RSPO3: variants seen among roughly 807,000 people sequenced by gnomAD.
RSPO3 encodes R-spondin-3.
A neutral mutation model predicts 36.5 loss-of-function variants in RSPO3; 17 were observed. The ratio of observed to expected loss-of-function variants is 0.47; its 90% CI spans 0.32 to 0.70. The LOEUF (loss-of-function observed/expected upper bound fraction) is 0.70. RSPO3 is among the 30% of genes least tolerant of loss of function. RSPO3 has a pLI of 0.04. For synonymous variants in RSPO3, 108 were observed against 107.0 expected (o/e 1.01, Z -0.06); for missense variants, 294 against 322.5 (o/e 0.91, Z 0.68).
rs147430053 is a variant in RSPO3 at position 127,148,509 on chromosome 6, G to A, written c.98-139G>A. On this transcript the variant is annotated intron_variant, in intron 1 of 4. Transcript: ENST00000356698. Reference sequence around the variant, plus strand: ...AAATAAAAGATCATAAAAAAAGATAGGAAAAAAAATCCCACCTCATTCACC... The same window carrying A: ...AAATAAAAGATCATAAAAAAAGATAAGAAAAAAAATCCCACCTCATTCACC... 4.7e-4 allele frequency: 263 copies of A among 557,500 alleles called. 1 individual carries two copies. The East Asian group carries it at 7.0e-3, about 15-fold the overall frequency. The allele number at this position is 557,500 out of a possible 1,614,324, so 34.5% of individuals were successfully genotyped here.
chr6:127,162,479 A>C lies in RSPO3; in HGVS notation c.634+7041A>C, dbSNP rs374554940. On this transcript the variant is annotated intron_variant, in intron 4 of 4. Coordinates refer to ENST00000356698, the MANE Select transcript of RSPO3 (RefSeq NM_032784.5). Reference sequence around the variant, plus strand: ...TGTAAAAACAGTCAACTATTGATACAGGAGATGTTGTGTTGGATATTATTT... The same window carrying C: ...TGTAAAAACAGTCAACTATTGATACCGGAGATGTTGTGTTGGATATTATTT... 5.5e-4 allele frequency among the ~76,000 whole-genome samples: 84 copies of C among 152,256 alleles called. 2 individuals are homozygous for C. In the South Asian group the frequency reaches 0.017, roughly 31 times the overall value.
intron 4 of RSPO3, among the ~76,000 whole-genome samples, chr6:127,167,610 TG>T (rs2114611414): frequency 6.6e-6 from 1 of 152,008 alleles, no homozygotes; most frequent in Non-Finnish European, 1.5e-5. Context: ...TATAATAGAA[TG>T]ATTTTTTTTA....
At chr6:127,165,918 G>A (rs1360853659) in intron 4 of RSPO3, among the ~76,000 whole-genome samples, 1 of 151,714 alleles carries the variant, frequency 6.6e-6, no homozygotes, top group African/African-American at 2.4e-5. Flanking sequence ...AAACACAAAA[G>A]CCTAAAAGAT....
intron 4 of RSPO3, among the ~76,000 whole-genome samples, chr6:127,183,050 C>T (rs1317637804): frequency 1.3e-5 from 2 of 151,986 alleles, no homozygotes; most frequent in Admixed American, 6.6e-5. Context: ...CTGACCACCT[C>T]TTTTTCTCCA....
At position 127,141,351 on chromosome 6, in the gene RSPO3, C is replaced by T. The variant is rs561858850; in HGVS notation, c.98-7297C>T. On this transcript the variant is annotated intron_variant, in intron 1 of 4. Transcript: ENST00000356698. The stretch of plus-strand genomic sequence containing the variant: ...CATATCTTAGATTTCATGAATTCTA[C>T]AGCTAACATCATTTGCTAGCCATTT... 1.2e-3 allele frequency among the ~76,000 whole-genome samples: 176 copies of T among 152,260 alleles called. 1 individual carries two copies. Among genetic ancestry groups the T allele is most frequent in the African/African-American group, 4.0e-3 (167 of 41,556 alleles).
intron 2 of RSPO3, 87 bp from the exon 3 acceptor site, chr6:127,150,339 T>G: frequency 7.9e-7 from 1 of 1,271,380 alleles, no homozygotes; most frequent in South Asian, 1.5e-5. Context: ...ACTAAAGTTG[T>G]GTGTGGCTGT....
chr6:127,171,717 C>T (rs539215553), intron 4 of RSPO3, among the ~76,000 whole-genome samples: 1 of 151,706 alleles, frequency 6.6e-6, no homozygotes, highest in East Asian at 2.0e-4. Context: ...TTTATCCTTC[C>T]TCTTTTTGAT....
rs566070811 is a variant in RSPO3, at chr6:127,195,278, C to G, written c.635-545C>G. ...TGACTTCCCAGGCTCAAGTGATCCT[C>G]CTACCTCAGCCTTCTGCATAGCTGG... On this transcript the variant is annotated intron_variant, in intron 4 of 4. Transcript: ENST00000356698. 1.2e-3 allele frequency among the ~76,000 whole-genome samples: 183 copies of G among 152,260 alleles called. 1 individual carries two copies. The highest frequency in any genetic ancestry group is 7.3e-3 in the South Asian group (35 of 4,826).
intron 1 of RSPO3, among the ~76,000 whole-genome samples, chr6:127,129,697 ACGT>A (rs1479084101): frequency 6.6e-5 from 10 of 152,112 alleles, no homozygotes; most frequent in Non-Finnish European, 1.5e-4. Flanking sequence ...AGATGGAAAT[ACGT>A]CATCAGTATG....
intron 1 of RSPO3, among the ~76,000 whole-genome samples, chr6:127,119,614 G>C (rs1773796367): frequency 6.6e-6 from 1 of 152,262 alleles, no homozygotes; most frequent in Non-Finnish European, 1.5e-5. Flanking sequence ...TCCTTTTGAG[G>C]ATCGGACAGG....
chr6:127,121,317 TGATG>T (rs1315369728), intron 1 of RSPO3, among the ~76,000 whole-genome samples: 1 of 152,226 alleles, frequency 6.6e-6, no homozygotes, highest in Non-Finnish European at 1.5e-5. Flanking sequence ...AGCTGTGGGA[TGATG>T]CACCTCTAGG....
intron 1 of RSPO3, 92 bp from the exon 2 acceptor site, chr6:127,148,556 T>C: frequency 1.1e-6 from 1 of 947,342 alleles, no homozygotes; most frequent in Non-Finnish European, 1.5e-6. Flanking sequence ...AATTGAAAGC[T>C]AATGAAAGAG....
At chr6:127,137,363 C>T (rs1165953329) in intron 1 of RSPO3, among the ~76,000 whole-genome samples, 1 of 152,056 alleles carries the variant, frequency 6.6e-6, no homozygotes, top group African/African-American at 2.4e-5. Flanking sequence ...TACACTCCAA[C>T]CTGGGTGACA....
In RSPO3 at chr6:127,168,854, G is replaced by A. The variant is rs187276227; in HGVS notation, c.634+13416G>A. 1.7e-3 allele frequency among the ~76,000 whole-genome samples: 255 copies of A among 152,110 alleles called. 1 individual carries two copies. The highest frequency in any genetic ancestry group is 6.0e-3 in the African/African-American group (247 of 41,510). The stretch of plus-strand genomic sequence containing the variant: ...TTCCCAGCACCATTTATTAAATAGG[G>A]AATCCTTTCCCCATTTCTTGTTTTT... On this transcript the variant is annotated intron_variant, in intron 4 of 4. Transcript: ENST00000356698.
intron 4 of RSPO3, among the ~76,000 whole-genome samples, chr6:127,162,784 G>T (rs1774733664): frequency 6.6e-6 from 1 of 152,122 alleles, no homozygotes. Flanking sequence ...TTTGTGATTT[G>T]TACCACCAGT....
chr6:127,126,678 C>T (rs979566642), intron 1 of RSPO3, among the ~76,000 whole-genome samples: 1 of 152,040 alleles, frequency 6.6e-6, no homozygotes, highest in African/African-American at 2.4e-5. Flanking sequence ...GAATTGGGTG[C>T]AGTATCTGTT....
intron 4 of RSPO3, among the ~76,000 whole-genome samples, chr6:127,178,752 T>C (rs1775120291): frequency 6.6e-6 from 1 of 151,836 alleles, no homozygotes; most frequent in Non-Finnish European, 1.5e-5. Flanking sequence ...TAACTTTTCT[T>C]GATTATTTCT....
In RSPO3 at chr6:127,196,055, A is replaced by G. The variant is rs768726939; in HGVS notation, c.*48A>G. ...GACTCATGATGCTGCTATCTCAACC[A>G]GATGCCCAGGACAGGTGCTCTAGCC... is the stretch of plus-strand genomic sequence containing the variant. On this transcript the variant is annotated 3_prime_UTR_variant, in exon 5 of 5. Coordinates refer to ENST00000356698, the MANE Select transcript of RSPO3 (RefSeq NM_032784.5). The G allele has an allele frequency of 6.7e-7, 1 of 1,493,632 alleles. No individual in the cohort carries two copies. Among genetic ancestry groups the G allele is most frequent in the South Asian group, 1.4e-5 (1 of 69,436 alleles). The allele number at this position is 1,493,632 out of a possible 1,614,324, so 92.5% of individuals were successfully genotyped here. A position where few individuals can be genotyped will look rare whatever the true frequency, so the allele number is the denominator to read the frequency against.
At chr6:127,187,418 C>T (rs1215754458) in intron 4 of RSPO3, among the ~76,000 whole-genome samples, 1 of 151,976 alleles carries the variant, frequency 6.6e-6, no homozygotes, top group Admixed American at 6.6e-5. Context: ...TAATATTCAT[C>T]CAACAAGCTA....
Sources: allele counts gnomAD v4.1 joint callset (sites outside exome capture counted in the v4.1 genomes callset), GRCh38; gene constraint gnomAD v4.1.1; transcripts MANE v1.5; gene names NCBI Gene and HGNC (gene_info 2026-07-23, HGNC 2026-07-21).